The following VPS8 variants were observed in gnomAD, a reference collection of about 807,000 sequenced individuals.
The protein encoded by VPS8 is VPS8 subunit of CORVET complex.
VPS8 carries 129 observed loss-of-function variants against 216.4 expected under a neutral mutation model. The observed-to-expected ratio is 0.60, with a 90% CI of 0.52 to 0.69. The LOEUF is 0.69. Ranked by LOEUF, VPS8 falls within the 30% of genes least tolerant of loss-of-function variation. The pLI is 0.00. For missense variants in VPS8, 1,531 were observed against 1,683.5 expected (o/e 0.91, Z 1.59); for synonymous variants, 571 against 565.4 (o/e 1.01, Z -0.14).
chr3:184,858,976 A>G (rs988996472), intron 14 of VPS8, among the ~76,000 whole-genome samples: 2 of 152,126 alleles, frequency 1.3e-5, no homozygotes, highest in Non-Finnish European at 2.9e-5. Flanking sequence ...ATTCCCATTA[A>G]AAGCTTTGCT....
At chr3:184,969,085 G>A (rs1422065686) in intron 39 of VPS8, among the ~76,000 whole-genome samples, 2 of 151,824 alleles carry the variant, frequency 1.3e-5, no homozygotes, top group East Asian at 3.9e-4. Context: ...ACATTTTGTG[G>A]CAATTTTAAA....
At chr3:184,889,934 A>G (rs548893901) in intron 22 of VPS8, among the ~76,000 whole-genome samples, 2 of 152,364 alleles carry the variant, frequency 1.3e-5, no homozygotes, top group South Asian at 2.1e-4. Flanking sequence ...TATTTCAAAC[A>G]TGCAATGACT....
intron 23 of VPS8, 59 bp from the exon 24 acceptor site, chr3:184,898,506 A>T (rs1298960539): frequency 7.6e-7 from 1 of 1,308,610 alleles, no homozygotes; most frequent in Non-Finnish European, 1.1e-6. Context: ...TTCTTAAAGC[A>T]TTAAGGAAAA....
At chr3:185,009,037 A>G (rs1304654109) in intron 45 of VPS8, among the ~76,000 whole-genome samples, 1 of 152,212 alleles carries the variant, frequency 6.6e-6, no homozygotes, top group African/African-American at 2.4e-5. Context: ...AGCTGTAGAA[A>G]ATGGATAGCC....
rs943760992 is a variant in VPS8 at position 184,915,348 on chromosome 3, C to T, written c.2263-7C>T. 1.2e-6 allele frequency: 2 copies of T among 1,608,718 alleles called. No individual in the cohort carries two copies. Among genetic ancestry groups the T allele is most frequent in the African/African-American group, 2.7e-5 (2 of 74,466 alleles). On this transcript the variant is annotated splice_region_variant and splice_polypyrimidine_tract_variant and intron_variant, in intron 27 of 47. Coordinates refer to ENST00000625842, the MANE Select transcript of VPS8 (RefSeq NM_001009921.3). Reference sequence around the variant, plus strand: ...AAAATAATCAACATTTTTTTCCCAACTTGCAGGTTTTTGAATTTCTAATTC... The same window carrying T: ...AAAATAATCAACATTTTTTTCCCAATTTGCAGGTTTTTGAATTTCTAATTC...
At chr3:184,883,555 A>G (rs944489193) in intron 21 of VPS8, among the ~76,000 whole-genome samples, 1 of 152,022 alleles carries the variant, frequency 6.6e-6, no homozygotes, top group Admixed American at 6.6e-5. Context: ...CTGTCACCAA[A>G]CCCTATAGTT....
intron 38 of VPS8, 75 bp from the exon 39 acceptor site, chr3:184,966,596 A>G (rs1694131677): frequency 9.8e-7 from 1 of 1,018,218 alleles, no homozygotes; most frequent in African/African-American, 1.6e-5. Flanking sequence ...CCTTTAAAAT[A>G]TGTTAATTCA....
intron 23 of VPS8, 150 bp from the exon 24 acceptor site, chr3:184,898,415 T>G: frequency 3.0e-6 from 2 of 664,924 alleles, no homozygotes; most frequent in Non-Finnish European, 5.3e-6. Context: ...TACCCTTGCA[T>G]TGTGTTTGAG....
chr3:185,021,640 T>C (rs1001320620), intron 45 of VPS8, among the ~76,000 whole-genome samples: 3 of 152,202 alleles, frequency 2.0e-5, no homozygotes, highest in African/African-American at 7.2e-5. Flanking sequence ...GCAAAGACTG[T>C]CAAGTCTAAT....
At chr3:184,973,575 G>A (rs902188562) in intron 40 of VPS8, among the ~76,000 whole-genome samples, 11 of 152,074 alleles carry the variant, frequency 7.2e-5, no homozygotes, top group African/African-American at 1.4e-4. Flanking sequence ...GTCTTCTAGC[G>A]GTTTTGAAAT....
chr3:184,900,633 C>A (rs185717185), intron 24 of VPS8, among the ~76,000 whole-genome samples: 3 of 152,076 alleles, frequency 2.0e-5, no homozygotes, highest in African/African-American at 7.2e-5. Context: ...AAGAATAAAG[C>A]GTTTAAGAAC....
At position 184,948,372 on chromosome 3, in the gene VPS8, C is replaced by T. The variant is rs367670924; in HGVS notation, c.3035+8129C>T. Among the ~76,000 whole-genome samples the T allele has an allele frequency of 4.6e-5, 7 of 152,130 alleles. No homozygotes were observed. In the East Asian group the frequency reaches 9.7e-4, roughly 21 times the overall value. ...AAAACAAATAAAAATGAAAAATTAGCCAGGCATGGTAGTCACACCTATAAT... is the reference window on the plus strand; with the variant it reads ...AAAACAAATAAAAATGAAAAATTAGTCAGGCATGGTAGTCACACCTATAAT... On this transcript the variant is annotated intron_variant, in intron 36 of 47. Coordinates refer to ENST00000625842, the MANE Select transcript of VPS8 (RefSeq NM_001009921.3).
chr3:184,920,279 A>G lies in VPS8; in HGVS notation c.2454+81A>G. 3.1e-6 allele frequency: 3 copies of G among 952,480 alleles called. No individual in the cohort carries two copies. The South Asian group carries it at 7.5e-5, about 24-fold the overall frequency. 59.0% of individuals were successfully genotyped at this position (952,480 alleles called of 1,614,324 possible). On this transcript the variant is annotated intron_variant, in intron 29 of 47. Transcript: ENST00000625842. ...GCTGTTTTATAGCAGGTTATAAAAT[A>G]ATCTTGTTAAGTGGTTTCTTGGAAT...
intron 6 of VPS8, chr3:184,839,453 G>A (rs1721711080): frequency 1.5e-5 from 6 of 410,810 alleles, no homozygotes; most frequent in Admixed American, 8.8e-5. Context: ...GCATGTTATT[G>A]CCTATAATGT....
At chr3:184,847,630 A>G (rs1387813456) in intron 8 of VPS8, among the ~76,000 whole-genome samples, 1 of 152,122 alleles carries the variant, frequency 6.6e-6, no homozygotes, top group Admixed American at 6.5e-5. Context: ...TGTTTTTTGC[A>G]TTTTTCTAAA....
intron 46 of VPS8, among the ~76,000 whole-genome samples, chr3:185,040,102 C>T (rs1759438709): frequency 6.6e-6 from 1 of 152,120 alleles, no homozygotes. Flanking sequence ...TCACTCACCT[C>T]CCACCCTCAG....
chr3:184,849,153 C>T lies in VPS8; in HGVS notation c.624C>T (p.Asn208=), dbSNP rs767407803. The T allele has an allele frequency of 6.2e-7, 1 of 1,613,654 alleles. No individual in the cohort carries two copies. The highest frequency in any genetic ancestry group is 8.5e-7 in the Non-Finnish European group (1 of 1,179,622). ...GCGCTATCTCTGCCCTCAGTATCAA[C>T]AATGATTGCTCAAGACTTCTTTGTG... The part of the protein sequence containing the change: ...QYGAISALSI[N]NDCSRLLCGF... Residue 208 remains asparagine (N), a synonymous_variant, in exon 9 of 48, where the codon AAC becomes AAT. Transcript: ENST00000625842.
At chr3:184,911,286 A>G (rs1454819826) in intron 25 of VPS8, among the ~76,000 whole-genome samples, 1 of 152,244 alleles carries the variant, frequency 6.6e-6, no homozygotes, top group Non-Finnish European at 1.5e-5. Flanking sequence ...GGCTCACAGT[A>G]GTGGAATAAT....
chr3:184,853,763 A>G, intron 11 of VPS8, 94 bp from the exon 12 acceptor site: 1 of 1,270,970 alleles, frequency 7.9e-7, no homozygotes, highest in Admixed American at 2.1e-5. Flanking sequence ...TTAAGGAGGT[A>G]GGAGGTAGGA....
Sources: gnomAD v4.1 joint callset for allele counts (sites outside exome capture counted in the v4.1 genomes callset) on GRCh38, gnomAD v4.1.1 for gene constraint, MANE v1.5 for transcripts, NCBI Gene and HGNC (gene_info 2026-07-23, HGNC 2026-07-21) for gene names.